The following HYKK variants were observed in gnomAD, a reference collection of about 807,000 sequenced individuals.
HYKK encodes hydroxylysine kinase.
Under a neutral mutation model 29.7 loss-of-function variants are expected in HYKK, and 19 were observed. That is an observed-to-expected ratio of 0.64 (90% CI 0.45 to 0.94). The LOEUF (loss-of-function observed/expected upper bound fraction) is 0.94. Ranked by LOEUF, HYKK falls within the 40% of genes least tolerant of loss-of-function variation. HYKK has a pLI of 0.00. For synonymous variants in HYKK, 152 were observed against 158.1 expected (o/e 0.96, Z 0.29); for missense variants, 390 against 443.4 (o/e 0.88, Z 1.08).
At chr15:78,520,620 A>C (rs2052183073) in intron 3 of HYKK, among the ~76,000 whole-genome samples, 1 of 152,208 alleles carries the variant, frequency 6.6e-6, no homozygotes, top group South Asian at 2.1e-4. Context: ...CAAAATGAAA[A>C]GTCTCCCAGG....
chr15:78,527,747 C>G, intron 4 of HYKK, 184 bp downstream of exon 4: 1 of 1,361,286 alleles, frequency 7.3e-7, no homozygotes, highest in Non-Finnish European at 9.4e-7. Flanking sequence ...GAAGCCTCCT[C>G]TAAACTTTAC....
chr15:78,513,148 A>G lies in HYKK; in HGVS notation c.60A>G (p.Glu20=). 6.2e-7 allele frequency: 1 copy of G among 1,614,162 alleles called. No individual in the cohort carries two copies. Among genetic ancestry groups the G allele is most frequent in the Non-Finnish European group, 8.5e-7 (1 of 1,179,996 alleles). ...TTAGCAAACCCACTTTCAGTGAGGA[A>G]CAAGCCTCTGCGTTAGTGGAGTCAG... is the stretch of plus-strand genomic sequence containing the variant. ...EALSKPTFSE[E]QASALVESVF... Residue 20 remains glutamate, a synonymous_variant, in exon 2 of 5, where the codon GAA becomes GAG. Transcript: ENST00000388988.
intron 3 of HYKK, chr15:78,518,667 C>T (rs1046652277): frequency 4.5e-6 from 2 of 442,286 alleles, no homozygotes; most frequent in African/African-American, 2.0e-5. Context: ...CCTATAATCC[C>T]AGCACTTTGG....
chr15:78,537,266 C>T, downstream of HYKK: 1 of 635,076 alleles, frequency 1.6e-6, no homozygotes, highest in Non-Finnish European at 2.9e-6. Context: ...TAATATAATA[C>T]ATAAATTAAA....
At chr15:78,511,798 G>T (rs1046954151) in intron 1 of HYKK, among the ~76,000 whole-genome samples, 11 of 152,072 alleles carry the variant, frequency 7.2e-5, no homozygotes, top group African/African-American at 2.7e-4. Flanking sequence ...TTTGGGAGGC[G>T]TAAGTGGGAG....
chr15:78,519,237 C>T (rs1249908024), intron 3 of HYKK, among the ~76,000 whole-genome samples: 1 of 152,154 alleles, frequency 6.6e-6, no homozygotes, highest in Admixed American at 6.6e-5. Flanking sequence ...TTTTATATTG[C>T]ACTCTATCCG....
chr15:78,511,457 C>T (rs898376795), intron 1 of HYKK, among the ~76,000 whole-genome samples: 3 of 152,118 alleles, frequency 2.0e-5, no homozygotes, highest in Admixed American at 2.0e-4. Context: ...CGTGGTGGCT[C>T]ATGCCTGTAA....
Position 78,532,024 on chromosome 15 carries a change from A to G in HYKK, c.662-1186A>G, listed in dbSNP as rs556705444. 7.2e-5 allele frequency among the ~76,000 whole-genome samples: 11 copies of G among 152,356 alleles called. No individual in the cohort carries two copies. The South Asian group carries it at 2.3e-3, about 32-fold the overall frequency. On this transcript the variant is annotated intron_variant, in intron 4 of 4. Coordinates refer to ENST00000388988, the MANE Select transcript of HYKK (RefSeq NM_001013619.4). The stretch of plus-strand genomic sequence containing the variant: ...AGCATTATATTTAAAAGTTAAAATT[A>G]TATACTTTATATCATGTATATGACT...
chr15:78,520,826 C>T lies in HYKK; in HGVS notation c.477+5719C>T, dbSNP rs377576755. 4.0e-3 allele frequency among the ~76,000 whole-genome samples: 611 copies of T among 151,976 alleles called. 13 individuals carry two copies. In the East Asian group the frequency reaches 0.065, roughly 16 times the overall value. On this transcript the variant is annotated intron_variant, in intron 3 of 4. Coordinates refer to ENST00000388988, the MANE Select transcript of HYKK (RefSeq NM_001013619.4). ...CCCAGTAGGGGCGGCCGGGCAGAGGCGCCCCTCACCTCCCGGACGGGGCAG... is the reference window on the plus strand; with the variant it reads ...CCCAGTAGGGGCGGCCGGGCAGAGGTGCCCCTCACCTCCCGGACGGGGCAG...
rs2052333513 is a variant in HYKK at position 78,533,568 on chromosome 15, CG to C, written c.1023del (p.Trp342GlyfsTer15). On this transcript the variant is annotated frameshift_variant, in exon 5 of 5. Coordinates refer to ENST00000388988, the MANE Select transcript of HYKK (RefSeq NM_001013619.4). LOFTEE classifies it high-confidence loss of function. The stretch of plus-strand genomic sequence containing the variant: ...ACTATCTCATGGTTACTGCAAAAAC[CG>C]GGTGGAAACACTTACAGCAAATGTT... The part of the protein sequence containing the change: ...KDYLMVTAKT[G>X]WKHLQQMFDM... 6.2e-7 allele frequency: 1 copy of C among 1,613,962 alleles called. No individual in the cohort carries two copies. Among genetic ancestry groups the C allele is most frequent in the African/African-American group, 1.3e-5 (1 of 74,872 alleles).
At chr15:78,518,915 T>TAAAAAAAAAAAAAAAAAAAAAAAAAAA (rs764174063) in intron 3 of HYKK, 1 of 88,588 alleles carries the variant, frequency 1.1e-5, no homozygotes. Flanking sequence ...AGACTCTGTC[T>TAAAAAAAAAAAAAAAAAAAAAAAAAAA]AAAAAAAAAA....
At chr15:78,508,083 C>T (rs2052032629) in intron 1 of HYKK, among the ~76,000 whole-genome samples, 1 of 152,196 alleles carries the variant, frequency 6.6e-6, no homozygotes, top group Non-Finnish European at 1.5e-5. Context: ...AGCCCCTCTG[C>T]AGCCCGCTCA....
chr15:78,517,130 G>A (rs1306441758), intron 3 of HYKK, among the ~76,000 whole-genome samples: 5 of 20,142 alleles, frequency 2.5e-4, no homozygotes, highest in Admixed American at 1.4e-3. Context: ...TTTTTTTTTC[G>A]AGACAGAGTT....
At chr15:78,511,812 C>T (rs909055385) in intron 1 of HYKK, among the ~76,000 whole-genome samples, 2 of 152,104 alleles carry the variant, frequency 1.3e-5, no homozygotes, top group Admixed American at 1.3e-4. Context: ...GTGGGAGGAT[C>T]GCTTGAGACC....
chr15:78,513,569 C>A, intron 2 of HYKK, 144 bp downstream of exon 2: 1 of 641,136 alleles, frequency 1.6e-6, no homozygotes, highest in Non-Finnish European at 2.7e-6. Context: ...ATAGTACACC[C>A]TTAGAGGTGG....
chr15:78,517,075 G>A (rs1567017474), intron 3 of HYKK, among the ~76,000 whole-genome samples: 1 of 1,784 alleles, frequency 5.6e-4, no homozygotes, highest in African/African-American at 1.8e-3. Context: ...GCTTGCATCA[G>A]GTCCTTTTCT....
intron 4 of HYKK, among the ~76,000 whole-genome samples, chr15:78,531,158 C>T (rs923097651): frequency 5.3e-5 from 8 of 152,092 alleles, no homozygotes; most frequent in African/African-American, 1.4e-4. Context: ...TCACCACATC[C>T]GGCCCTCCAG....
chr15:78,516,397 G>A (rs1413283944), intron 3 of HYKK, among the ~76,000 whole-genome samples: 2 of 146,178 alleles, frequency 1.4e-5, no homozygotes, highest in African/African-American at 5.1e-5. Flanking sequence ...CTAGGCTGGA[G>A]TGCAGTGGTA....
intron 4 of HYKK, 103 bp from the exon 5 acceptor site, chr15:78,533,107 T>C: frequency 1.4e-6 from 1 of 710,068 alleles, no homozygotes; most frequent in Non-Finnish European, 2.4e-6. Context: ...GCCCTTTATC[T>C]CTGACTGCTC....
Sources: gnomAD v4.1 joint callset for allele counts (sites outside exome capture counted in the v4.1 genomes callset) on GRCh38, gnomAD v4.1.1 for gene constraint, MANE v1.5 for transcripts, NCBI Gene and HGNC (gene_info 2026-07-23, HGNC 2026-07-21) for gene names.